The following CCSER1 variants were observed in gnomAD, a reference collection of about 807,000 sequenced individuals.
CCSER1 encodes coiled-coil serine rich protein 1.
In CCSER1, 41 loss-of-function variants were observed where a neutral mutation model predicts 82.0. That is an observed-to-expected ratio of 0.50 (90% CI 0.39 to 0.65). CCSER1 has a LOEUF of 0.65. Ranked by LOEUF, CCSER1 falls within the 30% of genes least tolerant of loss-of-function variation. CCSER1 has a pLI of 0.00. For synonymous variants in CCSER1, 414 were observed against 383.9 expected (o/e 1.08, Z -0.92); for missense variants, 1,119 against 1,064.2 (o/e 1.05, Z -0.72).
intron 10 of CCSER1, among the ~76,000 whole-genome samples, chr4:91,405,059 G>T (rs962927763): frequency 1.3e-5 from 2 of 152,042 alleles, no homozygotes; most frequent in Non-Finnish European, 2.9e-5. Flanking sequence ...TAAGGACTTG[G>T]CTTATGAATC....
chr4:91,309,462 C>T (rs1024434489), intron 10 of CCSER1, among the ~76,000 whole-genome samples: 6 of 151,962 alleles, frequency 3.9e-5, no homozygotes, highest in African/African-American at 9.7e-5. Flanking sequence ...ACATACAATC[C>T]GTTTGCTAGT....
At chr4:91,591,519 C>A (rs1764271684) in intron 10 of CCSER1, among the ~76,000 whole-genome samples, 1 of 152,098 alleles carries the variant, frequency 6.6e-6, no homozygotes, top group South Asian at 2.1e-4. Flanking sequence ...CTCAATCAGT[C>A]TCCAAGCAAC....
intron 8 of CCSER1, among the ~76,000 whole-genome samples, chr4:90,890,153 A>C (rs1009980666): frequency 6.6e-6 from 1 of 152,212 alleles, no homozygotes; most frequent in Non-Finnish European, 1.5e-5. Flanking sequence ...GAAACAACAA[A>C]AATTGAGTTA....
At chr4:90,218,080 C>T (rs987811337) in intron 1 of CCSER1, among the ~76,000 whole-genome samples, 43 of 152,270 alleles carry the variant, frequency 2.8e-4, no homozygotes, top group African/African-American at 1.0e-3. Flanking sequence ...GGATTACAGG[C>T]ATGGGTCCCC....
intron 10 of CCSER1, among the ~76,000 whole-genome samples, chr4:91,346,016 A>G (rs992968989): frequency 2.7e-5 from 4 of 150,466 alleles, no homozygotes; most frequent in African/African-American, 1.0e-4. Flanking sequence ...TGCATATCAT[A>G]CTGGGGCTTG....
At chr4:90,727,522 A>T (rs551003055) in intron 7 of CCSER1, among the ~76,000 whole-genome samples, 54 of 152,326 alleles carry the variant, frequency 3.5e-4, no homozygotes, top group Middle Eastern at 3.4e-3. Flanking sequence ...TCTTGCAAAC[A>T]TCTAATCACT....
intron 10 of CCSER1, among the ~76,000 whole-genome samples, chr4:91,531,311 C>T (rs1252738045): frequency 1.3e-5 from 2 of 152,094 alleles, no homozygotes; most frequent in African/African-American, 4.8e-5. Flanking sequence ...TGTTAATTTT[C>T]CTTATGCCTA....
intron 6 of CCSER1, among the ~76,000 whole-genome samples, chr4:90,711,276 G>T (rs1740561727): frequency 6.6e-6 from 1 of 151,894 alleles, no homozygotes; most frequent in Admixed American, 6.6e-5. Context: ...TTATCTGTAA[G>T]CAAAGATAAT....
intron 10 of CCSER1, among the ~76,000 whole-genome samples, chr4:91,342,519 A>C (rs2149289332): frequency 6.6e-6 from 1 of 152,298 alleles, no homozygotes; most frequent in East Asian, 1.9e-4. Flanking sequence ...CCATGTGTAT[A>C]ATAAATTAGG....
At chr4:91,177,768 T>C (rs10010219) in intron 10 of CCSER1, among the ~76,000 whole-genome samples, 61 of 152,310 alleles carry the variant, frequency 4.0e-4, no homozygotes, top group African/African-American at 1.4e-3. Context: ...AAAAACAATC[T>C]CCTGGATTCA....
At chr4:90,444,483 A>C (rs1381948200) in intron 4 of CCSER1, among the ~76,000 whole-genome samples, 1 of 152,008 alleles carries the variant, frequency 6.6e-6, no homozygotes, top group Non-Finnish European at 1.5e-5. Flanking sequence ...AACTTGTCAA[A>C]AATGTCATGT....
At chr4:91,255,620 G>A (rs1405911325) in intron 10 of CCSER1, among the ~76,000 whole-genome samples, 1 of 152,120 alleles carries the variant, frequency 6.6e-6, no homozygotes, top group African/African-American at 2.4e-5. Context: ...CCGAAAGGAG[G>A]GACCTGCTGA....
intron 1 of CCSER1, among the ~76,000 whole-genome samples, chr4:90,172,607 C>T (rs1011660464): frequency 6.6e-6 from 1 of 151,668 alleles, no homozygotes; most frequent in Non-Finnish European, 1.5e-5. Flanking sequence ...ATGGATTGTG[C>T]AGAGAGAGTA....
intron 9 of CCSER1, among the ~76,000 whole-genome samples, chr4:91,069,175 TAAAA>T (rs749308046): frequency 6.6e-6 from 1 of 151,716 alleles, no homozygotes; most frequent in African/African-American, 2.4e-5. Flanking sequence ...AAAAAATAAA[TAAAA>T]AATAAAAATT....
intron 1 of CCSER1, among the ~76,000 whole-genome samples, chr4:90,170,088 T>G (rs1731344777): frequency 6.6e-6 from 1 of 151,976 alleles, no homozygotes; most frequent in Non-Finnish European, 1.5e-5. Context: ...TTCCAAATGT[T>G]CTTAAAGTCC....
At chr4:90,862,139 T>C (rs184639236) in intron 8 of CCSER1, among the ~76,000 whole-genome samples, 8 of 151,886 alleles carry the variant, frequency 5.3e-5, no homozygotes, top group Non-Finnish European at 7.4e-5. Context: ...AGAAGATACA[T>C]TTCTGAGTAC....
intron 9 of CCSER1, among the ~76,000 whole-genome samples, chr4:90,966,011 G>A (rs1581221828): frequency 6.6e-6 from 1 of 152,030 alleles, no homozygotes; most frequent in East Asian, 1.9e-4. Context: ...ATTTGAGCAG[G>A]CAAATAAATA....
intron 6 of CCSER1, among the ~76,000 whole-genome samples, chr4:90,710,644 G>A (rs1039634082): frequency 2.6e-5 from 4 of 151,982 alleles, no homozygotes; most frequent in African/African-American, 9.7e-5. Context: ...AGTTGTACAT[G>A]TGTGATCTTA....
intron 10 of CCSER1, among the ~76,000 whole-genome samples, chr4:91,504,330 A>AT (rs972993380): frequency 5.1e-4 from 77 of 152,176 alleles, no homozygotes; most frequent in African/African-American, 1.7e-3. Flanking sequence ...CCCTAATCTG[A>AT]TTTTTTTCCA....
Sources: gnomAD v4.1 joint callset for allele counts (sites outside exome capture counted in the v4.1 genomes callset) on GRCh38, gnomAD v4.1.1 for gene constraint, MANE v1.5 for transcripts, NCBI Gene and HGNC (gene_info 2026-07-23, HGNC 2026-07-21) for gene names.